Variants in TJAP1 observed in about 807,000 individuals in gnomAD.
TJAP1 encodes the protein tight junction associated protein 1.
In TJAP1, 27 loss-of-function variants were observed where a neutral mutation model predicts 42.0. The ratio of observed to expected loss-of-function variants is 0.64; its 90% confidence interval spans 0.47 to 0.89. The LOEUF is 0.89. Among genes scored for constraint, TJAP1 ranks in the 40% least tolerant of loss-of-function variants. TJAP1 has a pLI of 0.00. For synonymous variants in TJAP1, 257 were observed against 288.4 expected, an observed-to-expected ratio of 0.89 and a Z score of 1.10; for missense variants, 712 against 726.9, an observed-to-expected ratio of 0.98 and a Z score of 0.24.
exon 11 of TJAP1, chr6:43,504,975 A>C: frequency 6.2e-7 from 1 of 1,614,060 alleles, no homozygotes; most frequent in Non-Finnish European, 8.5e-7. Flanking sequence ...GTGCATGTGG[A>C]CATGAGTGAG....
chr6:43,490,884 T>C (rs955643683), intron 2 of TJAP1, among the ~76,000 whole-genome samples: 4 of 152,180 alleles, frequency 2.6e-5, no homozygotes, highest in Non-Finnish European at 5.9e-5. Context: ...CAGCCTGGCT[T>C]GGAGAAGCTC....
At chr6:43,499,406 C>T (rs1230045104) in intron 4 of TJAP1, among the ~76,000 whole-genome samples, 1 of 152,256 alleles carries the variant, frequency 6.6e-6, no homozygotes, top group Non-Finnish European at 1.5e-5. Context: ...TCCTAATCTG[C>T]TAGTGGTTGG....
intron 2 of TJAP1, among the ~76,000 whole-genome samples, chr6:43,487,986 C>T (rs1294536895): frequency 6.6e-6 from 1 of 151,882 alleles, no homozygotes; most frequent in East Asian, 1.9e-4. Context: ...TCTCCTGCCT[C>T]AGCCTCCCGA....
At position 43,486,686 on chromosome 6, in the gene TJAP1, A is replaced by AT. The variant is rs1205063409; in HGVS notation, c.-122+8455dup. 3.3e-5 allele frequency among the ~76,000 whole-genome samples: 5 copies of AT among 151,966 alleles called. No individual in the cohort carries two copies. The East Asian group carries it at 9.7e-4, about 29-fold the overall frequency. ...AGCTATTTTTTTTTGCCTAATTAGC[A>AT]TCCCTAGAAAGGTCTTTGGCTGCTG... On this transcript the variant is annotated intron_variant, in intron 2 of 10. Transcript: ENST00000372449.
chr6:43,503,939 C>T (rs1468687050), intron 10 of TJAP1: 1 of 697,190 alleles, frequency 1.4e-6, no homozygotes, highest in East Asian at 2.8e-5. Flanking sequence ...GTAACAGAGA[C>T]AGAGAGAGAA....
At chr6:43,489,061 C>T (rs1463407704) in intron 2 of TJAP1, among the ~76,000 whole-genome samples, 1 of 152,158 alleles carries the variant, frequency 6.6e-6, no homozygotes, top group Non-Finnish European at 1.5e-5. Context: ...CAACATCTTA[C>T]CCTCTGCTAA....
rs759581422 is a variant in TJAP1 at position 43,505,346 on chromosome 6, C to A, written c.1165C>A (p.Gln389Lys). The A allele has an allele frequency of 6.8e-6, 11 of 1,608,672 alleles. No homozygotes were observed. The highest frequency in any genetic ancestry group is 9.3e-6 in the Non-Finnish European group (11 of 1,179,388). ...CTCAGCCCAGGCCTCACCCCACCAC[C>A]AGCCCAGCCCAGCACCCCTAACACT... Residue 389 changes from glutamine (Q) to lysine (K), a missense_variant, in exon 11 of 11, where the codon CAG becomes AAG. Around this residue, in one of 3 missense-constraint regions of TJAP1, gnomAD observed 549 missense variants for 528.2 expected, o/e 1.04. Transcript: ENST00000372449. The surrounding 1 kb of genome is among the most constrained non-coding windows in gnomAD (Gnocchi z 5.5).
At position 43,491,868 on chromosome 6, in the gene TJAP1, A is replaced by G. The variant is rs375860603; in HGVS notation, c.-121-6013A>G. On this transcript the variant is annotated intron_variant, in intron 2 of 10. Coordinates refer to ENST00000372449, the Ensembl canonical transcript of TJAP1. This position sits in a 1 kb window ranked among gnomAD's most constrained non-coding sequence, Gnocchi z 4.6. The stretch of plus-strand genomic sequence containing the variant: ...CATGGGGACTAGCAGTAATGCAGAG[A>G]TGTTTAGGGACCCCAAATGGGGAGT... Among the ~76,000 whole-genome samples the G allele has an allele frequency of 5.9e-5, 9 of 152,308 alleles. No individual in the cohort carries two copies. In the East Asian group the frequency reaches 1.7e-3, roughly 29 times the overall value.
At chr6:43,504,361 C>T (rs1037132834) in intron 10 of TJAP1, 9 of 230,608 alleles carry the variant, frequency 3.9e-5, no homozygotes, top group South Asian at 1.3e-4. Context: ...GTGATCCACC[C>T]GCCTCGGCCT....
At chr6:43,490,092 T>A (rs897102717) in intron 2 of TJAP1, among the ~76,000 whole-genome samples, 4 of 152,138 alleles carry the variant, frequency 2.6e-5, no homozygotes, top group African/African-American at 9.7e-5. Flanking sequence ...CTGTCCTCCA[T>A]CCTTCCCCGC....
Position 43,503,287 on chromosome 6 carries a change from G to T in TJAP1, c.388-114G>T, listed in dbSNP as rs916159853. On this transcript the variant is annotated intron_variant, in intron 8 of 10. Coordinates refer to ENST00000372449, the Ensembl canonical transcript of TJAP1. ...TCCGTCATTTGTCTCTGCTCTGTCC[G>T]CCTTGGCTGCCCTAGCACCTGTGGC... The T allele has an allele frequency of 4.1e-6, 3 of 740,286 alleles. No homozygotes were observed. In the African/African-American group the frequency reaches 5.2e-5, roughly 13 times the overall value. The allele number at this position is 740,286 out of a possible 1,614,324, so 45.9% of individuals were successfully genotyped here.
rs1787714921 is a variant in TJAP1, at chr6:43,491,115, A to G, written c.-121-6766A>G. ...TTCTGTTCCCCTTGGGCTGGGTGAG[A>G]GAAGGCAGCAGCCTACCAGCACTGG... On this transcript the variant is annotated intron_variant, in intron 2 of 10. Transcript: ENST00000372449. This position sits in a 1 kb window ranked among gnomAD's most constrained non-coding sequence, Gnocchi z 4.6. Among the ~76,000 whole-genome samples the G allele has an allele frequency of 6.6e-6, 1 of 152,060 alleles. No homozygotes were observed. The highest frequency in any genetic ancestry group is 1.5e-5 in the Non-Finnish European group (1 of 68,014).
intron 7 of TJAP1, 88 bp from the exon 8 acceptor site, chr6:43,502,500 T>A (rs1206931268): frequency 6.6e-7 from 1 of 1,523,514 alleles, no homozygotes; most frequent in Non-Finnish European, 8.9e-7. Context: ...GCTCTGCAAG[T>A]CAAGACTGTC....
intron 8 of TJAP1, chr6:43,502,981 A>G (rs1422993741): frequency 1.0e-4 from 47 of 463,032 alleles, no homozygotes; most frequent in Non-Finnish European, 2.4e-5. Context: ...CTGCTCAACA[A>G]GGTGCCCTGG....
At chr6:43,503,773 C>G (rs2127648286) in intron 10 of TJAP1, 67 bp downstream of exon 10, 1 of 1,371,168 alleles carries the variant, frequency 7.3e-7, no homozygotes, top group African/African-American at 1.4e-5. Context: ...TCCTCTAACT[C>G]CAGTTTCTGC....
Position 43,505,194 on chromosome 6 carries a change from A to G in TJAP1, c.1013A>G (p.Lys338Arg). 7 of 1,614,140 alleles carry G rather than the reference A, an allele frequency of 4.3e-6. No individual in the cohort carries two copies. Among genetic ancestry groups the G allele is most frequent in the Non-Finnish European group, 5.1e-6 (6 of 1,180,022 alleles). Residue 338 changes from lysine (K) to arginine (R), a missense_variant, in exon 11 of 11, where the codon AAG becomes AGG. Lys to Arg is a conservative substitution (Grantham distance 26). This residue lies in a region of TJAP1 where 549 missense variants were observed against 528.2 expected (regional missense o/e 1.04). Coordinates refer to ENST00000372449, the Ensembl canonical transcript of TJAP1. The surrounding 1 kb of genome is among the most constrained non-coding windows in gnomAD (Gnocchi z 5.5). ...AGGGTAATAGAGTTCTCTGAGGATA[A>G]GGTTCGGATCCCCCGCAACAGCCCC... is the stretch of plus-strand genomic sequence containing the variant.
At chr6:43,497,080 C>T (rs942467717) in intron 2 of TJAP1, 10 of 152,340 alleles carry the variant, frequency 6.6e-5, no homozygotes, top group African/African-American at 2.4e-4. Flanking sequence ...GAGTGTTCCT[C>T]AGCCTTGGCA....
chr6:43,499,867 A>G (rs1790106463), intron 4 of TJAP1, among the ~76,000 whole-genome samples: 1 of 152,236 alleles, frequency 6.6e-6, no homozygotes, highest in African/African-American at 2.4e-5. Flanking sequence ...AGTTCAGGGA[A>G]CATTAAATTA....
At chr6:43,481,777 C>T (rs1407657418) in intron 2 of TJAP1, among the ~76,000 whole-genome samples, 1 of 152,170 alleles carries the variant, frequency 6.6e-6, no homozygotes, top group Admixed American at 6.5e-5. Flanking sequence ...GTTTCATTGA[C>T]TGGCTTTCCT....
Sources: allele counts gnomAD v4.1 joint callset (sites outside exome capture counted in the v4.1 genomes callset), GRCh38; gene constraint gnomAD v4.1.1; regional missense constraint gnomAD v4.1.1; non-coding constraint Gnocchi (gnomAD v3.1); transcripts MANE v1.5; gene names NCBI Gene and HGNC (gene_info 2026-07-23, HGNC 2026-07-21).